Variants in PRKCI observed in about 807,000 individuals in gnomAD.
PRKCI encodes protein kinase C iota, also known as protein kinase C iota type.
Under a neutral mutation model 84.0 loss-of-function variants are expected in PRKCI, and 43 were observed. The observed-to-expected ratio is 0.51, with a 90% CI of 0.40 to 0.66. PRKCI has a LOEUF of 0.66. Among genes scored for constraint, PRKCI ranks in the 30% least tolerant of loss-of-function variants. PRKCI has a pLI of 0.00. For synonymous variants in PRKCI, 216 were observed against 234.4 expected, an observed-to-expected ratio of 0.92 and a Z score of 0.72; for missense variants, 459 against 745.6, an observed-to-expected ratio of 0.62 and a Z score of 4.48.
rs754448809 is a variant in PRKCI, at chr3:170,303,016, A to G, written c.1704-24A>G. 155 of 1,528,188 alleles carry G rather than the reference A, an allele frequency of 1.0e-4. No individual in the cohort carries two copies. In the East Asian group the frequency reaches 3.5e-3, roughly 34 times the overall value. 94.7% of individuals were successfully genotyped at this position (1,528,188 alleles called of 1,614,324 possible). A position where few individuals can be genotyped will look rare whatever the true frequency, so the allele number is the denominator to read the frequency against. On this transcript the variant is annotated intron_variant, in intron 17 of 17. Coordinates refer to ENST00000295797, the MANE Select transcript of PRKCI (RefSeq NM_002740.6). ...TGAAGAAATCTTGATTATGATGAAA[A>G]TAAATTTATTTTTCTTTCAACAGTG...
rs186804762 is a variant in PRKCI at position 170,273,568 on chromosome 3, A to G, written c.646+228A>G. ...GGTGGTTCACACCTGTAATCCCAGC[A>G]CTTTGGGAGGCTGAGGCAGGTGGAT... On this transcript the variant is annotated intron_variant, in intron 7 of 17. Coordinates refer to ENST00000295797, the MANE Select transcript of PRKCI (RefSeq NM_002740.6). Among the ~76,000 whole-genome samples the G allele has an allele frequency of 3.9e-5, 6 of 152,220 alleles. No homozygotes were observed. In the East Asian group the frequency reaches 1.2e-3, roughly 29 times the overall value.
At chr3:170,278,306 G>T (rs1384421781) in intron 8 of PRKCI, among the ~76,000 whole-genome samples, 5 of 152,014 alleles carry the variant, frequency 3.3e-5, no homozygotes, top group African/African-American at 9.7e-5. Flanking sequence ...CTCAAACCTG[G>T]TTTCTTTTCA....
At chr3:170,260,750 G>A (rs1202256508) in intron 3 of PRKCI, among the ~76,000 whole-genome samples, 4 of 152,108 alleles carry the variant, frequency 2.6e-5, no homozygotes, top group African/African-American at 7.2e-5. Flanking sequence ...ACTGCACCAG[G>A]CCCATTTACA....
intron 10 of PRKCI, 75 bp downstream of exon 10, chr3:170,281,338 C>A: frequency 1.7e-6 from 2 of 1,194,146 alleles, no homozygotes; most frequent in Non-Finnish European, 1.2e-6. Context: ...AACCTTTCTG[C>A]CCTAATTCAT....
chr3:170,267,234 T>C (rs1191950685), intron 4 of PRKCI, among the ~76,000 whole-genome samples: 1 of 151,800 alleles, frequency 6.6e-6, no homozygotes, highest in East Asian at 1.9e-4. Flanking sequence ...AAAAAAAGTA[T>C]TTTTTTTGTA....
chr3:170,260,362 C>T (rs1733692278), intron 3 of PRKCI, among the ~76,000 whole-genome samples: 2 of 152,166 alleles, frequency 1.3e-5, no homozygotes, highest in African/African-American at 4.8e-5. Context: ...GAATCTAAGT[C>T]ATCTACTTGA....
chr3:170,241,089 G>A lies in PRKCI; in HGVS notation c.223+5738G>A, dbSNP rs527944278. 9.8e-4 allele frequency among the ~76,000 whole-genome samples: 149 copies of A among 152,008 alleles called. 1 individual carries two copies. Among genetic ancestry groups the A allele is most frequent in the African/African-American group, 3.1e-3 (129 of 41,424 alleles). On this transcript the variant is annotated intron_variant, in intron 2 of 17. Coordinates refer to ENST00000295797, the MANE Select transcript of PRKCI (RefSeq NM_002740.6). ...TAACAGATAATAATTGTATATGTTC[G>A]TGGGATACAGTGTGATGTTTCAATA...
intron 3 of PRKCI, among the ~76,000 whole-genome samples, chr3:170,262,628 A>G (rs558302738): frequency 6.6e-6 from 1 of 152,202 alleles, no homozygotes; most frequent in East Asian, 1.9e-4. Flanking sequence ...TTACAGGCAC[A>G]TCACCATGCC....
At chr3:170,281,367 G>A in intron 10 of PRKCI, 104 bp downstream of exon 10, 2 of 859,958 alleles carry the variant, frequency 2.3e-6, no homozygotes, top group South Asian at 3.0e-5. Context: ...TATCATGGAG[G>A]ATGCAACAGT....
In PRKCI at chr3:170,297,640, T is replaced by TG. The variant is rs369204401; in HGVS notation, c.1587+255dup. On this transcript the variant is annotated intron_variant, in intron 16 of 17. Transcript: ENST00000295797. ...CTAATTTTTGTATTTTTAGTAGAGA[T>TG]GGGGGGGGTTTCACAATGTCGGCCA... is the stretch of plus-strand genomic sequence containing the variant. 7.9e-3 allele frequency among the ~76,000 whole-genome samples: 1,173 copies of TG among 148,026 alleles called. 18 individuals carry two copies. Among genetic ancestry groups the TG allele is most frequent in the African/African-American group, 0.025 (992 of 40,092 alleles).
intron 6 of PRKCI, among the ~76,000 whole-genome samples, chr3:170,272,862 G>A (rs1734033884): frequency 6.6e-6 from 1 of 152,098 alleles, no homozygotes; most frequent in Admixed American, 6.5e-5. Context: ...TCAGGAAAAT[G>A]GGAAACCCAC....
At chr3:170,275,651 C>G (rs1454156392) in intron 8 of PRKCI, among the ~76,000 whole-genome samples, 1 of 151,994 alleles carries the variant, frequency 6.6e-6, no homozygotes, top group African/African-American at 2.4e-5. Flanking sequence ...TATTAACTGT[C>G]ATTGTTTTTT....
chr3:170,224,970 C>T (rs1474856154), intron 1 of PRKCI, among the ~76,000 whole-genome samples: 1 of 152,162 alleles, frequency 6.6e-6, no homozygotes, highest in African/African-American at 2.4e-5. Flanking sequence ...TCATTGTAAA[C>T]TCCTTTGAGA....
intron 17 of PRKCI, among the ~76,000 whole-genome samples, chr3:170,301,799 A>G (rs1163490717): frequency 7.2e-5 from 11 of 152,120 alleles, no homozygotes; most frequent in African/African-American, 1.2e-4. Flanking sequence ...ATGCCTTGTG[A>G]AGTACCACTC....
chr3:170,248,981 G>T (rs1473404461), intron 2 of PRKCI, among the ~76,000 whole-genome samples: 2 of 151,700 alleles, frequency 1.3e-5, no homozygotes, highest in African/African-American at 4.8e-5. Context: ...CTTTGTAGCT[G>T]GGACTACAGG....
Position 170,235,155 on chromosome 3 carries a change from G to A in PRKCI, c.102-75G>A. 3.5e-6 allele frequency: 5 copies of A among 1,437,470 alleles called. No individual in the cohort carries two copies. In the South Asian group the frequency reaches 3.6e-5, roughly 10 times the overall value. 89.0% of individuals were successfully genotyped at this position (1,437,470 alleles called of 1,614,324 possible). On this transcript the variant is annotated intron_variant, in intron 1 of 17. Transcript: ENST00000295797. Reference sequence around the variant, plus strand: ...CAAAATTACTGAAGTTCATCAAATTGTCAAGCATTCAGTAATATATACAGC... The same window carrying A: ...CAAAATTACTGAAGTTCATCAAATTATCAAGCATTCAGTAATATATACAGC...
At chr3:170,264,838 C>T (rs1445559608) in intron 4 of PRKCI, among the ~76,000 whole-genome samples, 1 of 152,112 alleles carries the variant, frequency 6.6e-6, no homozygotes, top group Non-Finnish European at 1.5e-5. Flanking sequence ...AATGGACTCT[C>T]AAAATGTAGC....
intron 2 of PRKCI, among the ~76,000 whole-genome samples, chr3:170,235,802 T>C (rs989775877): frequency 1.3e-5 from 2 of 152,072 alleles, no homozygotes; most frequent in Non-Finnish European, 2.9e-5. Flanking sequence ...CCTGACCTTA[T>C]GATCTGCCCA....
At chr3:170,224,376 TTG>T (rs962172168) in intron 1 of PRKCI, among the ~76,000 whole-genome samples, 1 of 152,040 alleles carries the variant, frequency 6.6e-6, no homozygotes, top group Non-Finnish European at 1.5e-5. Flanking sequence ...TTTTTAAAGT[TTG>T]TAGTTGTCAC....
Sources: allele counts gnomAD v4.1 joint callset (sites outside exome capture counted in the v4.1 genomes callset), GRCh38; gene constraint gnomAD v4.1.1; transcripts MANE v1.5; gene names NCBI Gene and HGNC (gene_info 2026-07-23, HGNC 2026-07-21).